Variants in KLHL29 observed in about 807,000 individuals in gnomAD.
KLHL29 encodes the protein kelch like family member 29, also known as kelch-like protein 29.
In KLHL29, 21 loss-of-function variants were observed where a neutral mutation model predicts 80.4. The ratio of observed to expected loss-of-function variants is 0.26; its 90% confidence interval spans 0.19 to 0.38. The LOEUF (loss-of-function observed/expected upper bound fraction) is 0.38. KLHL29 is among the 10% of genes least tolerant of loss of function. The pLI is 1.00. For synonymous variants in KLHL29, 511 were observed against 526.8 expected (o/e 0.97, Z 0.41); for missense variants, 867 against 1,223.9 (o/e 0.71, Z 4.35).
intron 1 of KLHL29, among the ~76,000 whole-genome samples, chr2:23,422,009 CTGTG>C (rs768105497): frequency 9.4e-5 from 14 of 148,318 alleles, no homozygotes; most frequent in Non-Finnish European, 2.1e-4. Context: ...GTCAGTGTAT[CTGTG>C]TGTCATATGT....
chr2:23,696,401 C>A lies in KLHL29; in HGVS notation c.1993C>A (p.Leu665Ile). The A allele has an allele frequency of 1.3e-6, 2 of 1,551,574 alleles. No homozygotes were observed. Among genetic ancestry groups the A allele is most frequent in the Non-Finnish European group, 1.7e-6 (2 of 1,146,948 alleles). ...CYMSLLDNWN[L>I]VSRMTVPRCR... ...CATGTCCCTGCTTGATAACTGGAAC[C>A]TCGTCTCCAGAATGACAGTCCCCCG... Residue 665 changes from leucine (L) to isoleucine (I), a missense_variant, in exon 11 of 14, where the codon CTC becomes ATC. This residue lies in a region of KLHL29 where 443 missense variants were observed against 767.0 expected (regional missense o/e 0.58). Coordinates refer to ENST00000486442, the MANE Select transcript of KLHL29 (RefSeq NM_052920.2). This position sits in a 1 kb window ranked among gnomAD's most constrained non-coding sequence, Gnocchi z 5.5.
chr2:23,695,217 T>TGGAAAA lies in KLHL29; in HGVS notation c.1543-405_1543-404insGAAAAG. Among the ~76,000 whole-genome samples the TGGAAAA allele has an allele frequency of 6.6e-6, 1 of 152,280 alleles. No homozygotes were observed. Among genetic ancestry groups the TGGAAAA allele is most frequent in the Admixed American group, 6.5e-5 (1 of 15,304 alleles). The stretch of plus-strand genomic sequence containing the variant: ...TGAAGCTTTCCTGGGTCCTCCCACC[T>TGGAAAA]GTTCCTGAGTCCTTGTCACACTCAC... On this transcript the variant is annotated intron_variant, in intron 8 of 13. Coordinates refer to ENST00000486442, the MANE Select transcript of KLHL29 (RefSeq NM_052920.2). This position sits in a 1 kb window ranked among gnomAD's most constrained non-coding sequence, Gnocchi z 7.6.
intron 1 of KLHL29, among the ~76,000 whole-genome samples, chr2:23,445,645 T>C (rs1254242310): frequency 6.6e-6 from 1 of 152,252 alleles, no homozygotes; most frequent in East Asian, 1.9e-4. Flanking sequence ...GGTCAAAAGA[T>C]GAAAACAGGT....
intron 2 of KLHL29, among the ~76,000 whole-genome samples, chr2:23,490,361 G>C (rs1665061615): frequency 6.6e-6 from 1 of 152,164 alleles, no homozygotes; most frequent in Non-Finnish European, 1.5e-5. Flanking sequence ...ATGCTGAGTG[G>C]TCCTGACAAC....
intron 2 of KLHL29, among the ~76,000 whole-genome samples, chr2:23,545,101 C>G (rs1666948706): frequency 6.6e-6 from 1 of 152,182 alleles, no homozygotes; most frequent in Non-Finnish European, 1.5e-5. Context: ...AGGCCCAGGC[C>G]AGGGTGGACG....
chr2:23,451,613 C>T (rs1036874470), intron 1 of KLHL29, among the ~76,000 whole-genome samples: 18 of 152,148 alleles, frequency 1.2e-4, no homozygotes, highest in African/African-American at 3.9e-4. Flanking sequence ...AAGTTTTTCT[C>T]CCCAGCTCCC....
At chr2:23,570,925 G>A (rs1667702181) in intron 3 of KLHL29, among the ~76,000 whole-genome samples, 1 of 152,244 alleles carries the variant, frequency 6.6e-6, no homozygotes, top group African/African-American at 2.4e-5. Context: ...CCCACTGGCT[G>A]TGAGATCAGG....
At chr2:23,691,942 C>G in intron 7 of KLHL29, 66 bp downstream of exon 7, 2 of 1,470,140 alleles carry the variant, frequency 1.4e-6, no homozygotes, top group Non-Finnish European at 9.2e-7. Flanking sequence ...ACTCCATAAA[C>G]AGCAAGGACT....
chr2:23,691,406 T>C (rs781381646), intron 6 of KLHL29: 1 of 521,166 alleles, frequency 1.9e-6, no homozygotes, highest in East Asian at 3.5e-5. Context: ...TCCCCATCCA[T>C]AGCTCATGCT....
intron 5 of KLHL29, among the ~76,000 whole-genome samples, chr2:23,662,207 C>T (rs996177763): frequency 1.3e-5 from 2 of 152,194 alleles, no homozygotes; most frequent in Admixed American, 6.5e-5. Context: ...TTACAGTGAT[C>T]AGCTTCAATG....
At chr2:23,590,612 A>C (rs4380180) in intron 3 of KLHL29, among the ~76,000 whole-genome samples, 90,567 of 151,912 alleles carry the variant, frequency 0.6, 28,822 homozygotes, top group East Asian at 0.77. Context: ...GGCCCAGTGC[A>C]TGCTAAAATC....
chr2:23,609,824 A>T (rs926042653), intron 3 of KLHL29, among the ~76,000 whole-genome samples: 1 of 152,150 alleles, frequency 6.6e-6, no homozygotes, highest in Non-Finnish European at 1.5e-5. Flanking sequence ...CCAGACACAA[A>T]GAGATTAAAT....
rs1572464303 is a variant in KLHL29, at chr2:23,647,664, A to G, written c.940+4814A>G. On this transcript the variant is annotated intron_variant, in intron 5 of 13. Coordinates refer to ENST00000486442, the MANE Select transcript of KLHL29 (RefSeq NM_052920.2). This position sits in a 1 kb window ranked among gnomAD's most constrained non-coding sequence, Gnocchi z 4.9. Reference sequence around the variant, plus strand: ...CTGCCAGAGTGATTTTTCAAAATGCAGGTCTGGCCCTGCCACACCCTGTCC... The same window carrying G: ...CTGCCAGAGTGATTTTTCAAAATGCGGGTCTGGCCCTGCCACACCCTGTCC... Among the ~76,000 whole-genome samples, 1 of 152,256 alleles carries G rather than the reference A, an allele frequency of 6.6e-6. No individual in the cohort carries two copies. The highest frequency in any genetic ancestry group is 1.9e-4 in the East Asian group (1 of 5,170).
chr2:23,616,000 C>A (rs1452076274), intron 3 of KLHL29, among the ~76,000 whole-genome samples: 1 of 152,182 alleles, frequency 6.6e-6, no homozygotes, highest in Non-Finnish European at 1.5e-5. Flanking sequence ...TGGCCTTGAT[C>A]CCTCCTCCTA....
rs375153628 is a variant in KLHL29, at chr2:23,409,182, C to T, written c.-154+23402C>T. 3.2e-4 allele frequency among the ~76,000 whole-genome samples: 48 copies of T among 152,252 alleles called. No homozygotes were observed. The East Asian group carries it at 6.0e-3, about 19-fold the overall frequency. ...GGTGATCCCTGAAGGACTTTCCATT[C>T]GCAGCACAAAGATAACCCCTTGAAG... On this transcript the variant is annotated intron_variant, in intron 1 of 13. Coordinates refer to ENST00000486442, the MANE Select transcript of KLHL29 (RefSeq NM_052920.2).
chr2:23,576,320 A>C (rs989197291), intron 3 of KLHL29, among the ~76,000 whole-genome samples: 4 of 124,356 alleles, frequency 3.2e-5, no homozygotes, highest in African/African-American at 5.4e-5. Context: ...AAAAAAAAAA[A>C]AAAACGAAAT....
chr2:23,398,616 A>G (rs866135897), intron 1 of KLHL29, among the ~76,000 whole-genome samples: 17 of 152,310 alleles, frequency 1.1e-4, no homozygotes, highest in African/African-American at 3.4e-4. Flanking sequence ...GCCGTGGTCA[A>G]CCCTGCCGTG....
chr2:23,705,261 G>A (rs1268858332), intron 13 of KLHL29, among the ~76,000 whole-genome samples: 1 of 152,206 alleles, frequency 6.6e-6, no homozygotes, highest in Non-Finnish European at 1.5e-5. Context: ...GGGAGGCTGA[G>A]GTGAATGGAT....
intron 1 of KLHL29, among the ~76,000 whole-genome samples, chr2:23,454,332 G>A (rs1462786593): frequency 6.6e-6 from 1 of 151,766 alleles, no homozygotes; most frequent in Non-Finnish European, 1.5e-5. Flanking sequence ...CAGTCCCATA[G>A]TGAGGGGACT....
Sources: gnomAD v4.1 joint callset for allele counts (sites outside exome capture counted in the v4.1 genomes callset) on GRCh38, gnomAD v4.1.1 for gene constraint, gnomAD v4.1.1 regional missense constraint, Gnocchi (gnomAD v3.1) non-coding constraint, MANE v1.5 for transcripts, NCBI Gene and HGNC (gene_info 2026-07-23, HGNC 2026-07-21) for gene names.